The following DOK4 variants were observed in gnomAD, a reference collection of about 807,000 sequenced individuals.
DOK4 encodes downstream of tyrosine kinase 4.
DOK4 carries 26 observed loss-of-function variants against 40.1 expected under a neutral mutation model. That is an observed-to-expected ratio of 0.65 (90% CI 0.48 to 0.90). The LOEUF is 0.90. DOK4 is among the 40% of genes least tolerant of loss of function. The pLI is 0.00. For synonymous variants in DOK4, 179 were observed against 177.0 expected (o/e 1.01, Z -0.09); for missense variants, 392 against 437.2 (o/e 0.90, Z 0.92).
rs1221190916 is a variant in DOK4, at chr16:57,475,761, C to A, written c.174+89G>T. 1.5e-5 allele frequency: 16 copies of A among 1,063,482 alleles called. No individual in the cohort carries two copies. In the African/African-American group the frequency reaches 1.9e-4, roughly 13 times the overall value. 65.9% of individuals were successfully genotyped at this position (1,063,482 alleles called of 1,614,324 possible). ...CTCTCCCTCTCTCCCCCTTTCTCCC[C>A]TCTCTCCCTCTCTCCCCTCTCTCCC... On this transcript the variant is annotated intron_variant, in intron 3 of 8. Coordinates refer to ENST00000340099, the Ensembl canonical transcript of DOK4.
At chr16:57,476,114 G>T in intron 2 of DOK4, 157 bp from the exon 3 acceptor site, 1 of 622,312 alleles carries the variant, frequency 1.6e-6, no homozygotes, top group Non-Finnish European at 2.9e-6. Flanking sequence ...CACCAGCAGT[G>T]TCACCTCCCT....
At chr16:57,486,068 G>A (rs1168838051) in intron 1 of DOK4, among the ~76,000 whole-genome samples, 1 of 152,096 alleles carries the variant, frequency 6.6e-6, no homozygotes, top group Non-Finnish European at 1.5e-5. Flanking sequence ...CGCGACCTGG[G>A]CTCCCCCGGA....
At chr16:57,474,727 C>A in intron 6 of DOK4, 66 bp downstream of exon 6, 2 of 1,574,924 alleles carry the variant, frequency 1.3e-6, no homozygotes, top group Non-Finnish European at 1.7e-6. Context: ...CAGTGCCCAA[C>A]ACAGAGTGAA....
chr16:57,474,756 C>G, intron 6 of DOK4, 37 bp downstream of exon 6: 1 of 1,604,886 alleles, frequency 6.2e-7, no homozygotes, highest in Non-Finnish European at 8.5e-7. Context: ...ACCATCACAC[C>G]ATAGTAGGAC....
intron 4 of DOK4, 128 bp from the exon 5 acceptor site, chr16:57,475,347 C>T (rs570671461): frequency 1.3e-6 from 2 of 1,498,884 alleles, no homozygotes; most frequent in East Asian, 2.3e-5. Context: ...CCTGTCTTGC[C>T]TCAACCCTGA....
At chr16:57,486,247 C>T (rs1407563034) in intron 1 of DOK4, 58 bp downstream of exon 1, 3 of 152,220 alleles carry the variant, frequency 2.0e-5, no homozygotes, top group Non-Finnish European at 2.9e-5. Context: ...GTCGCCGAGA[C>T]TCTTGCAGGC....
Position 57,473,489 on chromosome 16 carries a change from C to G in DOK4, c.869G>C (p.Gly290Ala), listed in dbSNP as rs142112475. Residue 290 changes from glycine to alanine, a missense_variant, in exon 9 of 9, where the codon GGG (glycine) becomes GCG (alanine). Physicochemically the swap from Gly to Ala is moderately conservative, Grantham distance 60 (BLOSUM62 0). Transcript: ENST00000340099. ...CGAGCTGGCCTGGGCTGCCCCATACCCCTCACCTGTGGGCACAGAAGCAGG... is the reference window on the plus strand; with the variant it reads ...CGAGCTGGCCTGGGCTGCCCCATACGCCTCACCTGTGGGCACAGAAGCAGG... The G allele has an allele frequency of 1.4e-3, 2,240 of 1,614,184 alleles. 2 individuals carry two copies. Among genetic ancestry groups the G allele is most frequent in the Non-Finnish European group, 1.8e-3 (2,131 of 1,180,020 alleles).
chr16:57,482,363 G>GTTTTTTTT (rs11390639), intron 1 of DOK4, among the ~76,000 whole-genome samples: 30 of 93,024 alleles, frequency 3.2e-4, no homozygotes, highest in African/African-American at 3.9e-4. Context: ...TGGGGCTTTT[G>GTTTTTTTT]TTTTTTTTTT....
chr16:57,476,666 T>C (rs945950045), intron 2 of DOK4, among the ~76,000 whole-genome samples: 15 of 152,244 alleles, frequency 9.9e-5, no homozygotes, highest in Non-Finnish European at 2.1e-4. Flanking sequence ...TAAGGGGCCC[T>C]GCTCCAGCTG....
At chr16:57,476,188 T>G in intron 2 of DOK4, 2 of 542,840 alleles carry the variant, frequency 3.7e-6, no homozygotes, top group Non-Finnish European at 6.7e-6. Context: ...CAAAACGCTG[T>G]TCCACAAAGG....
intron 2 of DOK4, among the ~76,000 whole-genome samples, chr16:57,477,913 C>T (rs1462997949): frequency 6.6e-6 from 1 of 152,208 alleles, no homozygotes; most frequent in African/African-American, 2.4e-5. Flanking sequence ...ACCTCCCCAT[C>T]CAGGCTGTGC....
At chr16:57,473,591 G>A (rs775063646) in intron 8 of DOK4, 22 bp downstream of exon 8, 2 of 1,614,264 alleles carry the variant, frequency 1.2e-6, no homozygotes, top group Admixed American at 1.7e-5. Flanking sequence ...GCAGGTGGGT[G>A]TGGGGCATGG....
At position 57,479,332 on chromosome 16, in the gene DOK4, G is replaced by C; in HGVS notation, c.66+110C>G. Reference sequence around the variant, plus strand: ...CCGAGACCACAGATGCACGATGCCCGGCAGCCGGAGGGCAGCCGCGTGCCC... The same window carrying C: ...CCGAGACCACAGATGCACGATGCCCCGCAGCCGGAGGGCAGCCGCGTGCCC... On this transcript the variant is annotated intron_variant, in intron 2 of 8. Coordinates refer to ENST00000340099, the Ensembl canonical transcript of DOK4. This position sits in a 1 kb window ranked among gnomAD's most constrained non-coding sequence, Gnocchi z 5.8. The C allele has an allele frequency of 8.1e-7, 1 of 1,237,438 alleles. No individual in the cohort carries two copies. The highest frequency in any genetic ancestry group is 1.1e-6 in the Non-Finnish European group (1 of 875,494). The allele number at this position is 1,237,438 out of a possible 1,614,324, so 76.7% of individuals were successfully genotyped here. A position where few individuals can be genotyped will look rare whatever the true frequency, so the allele number is the denominator to read the frequency against.
At chr16:57,473,073 T>G in exon 9 of DOK4, 2 of 339,570 alleles carry the variant, frequency 5.9e-6, no homozygotes, top group East Asian at 5.3e-5. Flanking sequence ...TTTGTGTGTA[T>G]TGGTGGGGAA....
rs146183512 is a variant in DOK4, at chr16:57,482,566, A to G, written c.-181-2878T>C. 4.7e-3 allele frequency among the ~76,000 whole-genome samples: 706 copies of G among 151,306 alleles called. 1 individual carries two copies. The highest frequency in any genetic ancestry group is 8.6e-3 in the Non-Finnish European group (583 of 67,796). The stretch of plus-strand genomic sequence containing the variant: ...ATATTTTTAGTAAAGACGGGGTTTC[A>G]CCGTGTTAGCCAGGATGGTCTCGAT... On this transcript the variant is annotated intron_variant, in intron 1 of 8. Coordinates refer to ENST00000340099, the Ensembl canonical transcript of DOK4.
chr16:57,485,986 G>T lies in DOK4; in HGVS notation c.-182+319C>A, dbSNP rs1320656259. On this transcript the variant is annotated intron_variant, in intron 1 of 8. Coordinates refer to ENST00000340099, the Ensembl canonical transcript of DOK4. This position sits in a 1 kb window ranked among gnomAD's most constrained non-coding sequence, Gnocchi z 4.3. ...CAGGGGCTGGGTTATGCCCCTTCCG[G>T]GGGGGCAGGCCCGGGAGCGCAGGGC... is the stretch of plus-strand genomic sequence containing the variant. 5.3e-5 allele frequency among the ~76,000 whole-genome samples: 8 copies of T among 152,136 alleles called. No homozygotes were observed. Among genetic ancestry groups the T allele is most frequent in the African/African-American group, 7.2e-5 (3 of 41,434 alleles).
chr16:57,475,391 A>ACACAC, intron 4 of DOK4, 115 bp downstream of exon 4: 2 of 1,367,566 alleles, frequency 1.5e-6, no homozygotes, highest in South Asian at 2.6e-5. Flanking sequence ...CCAACCCCAC[A>ACACAC]CACACCACAC....
chr16:57,473,236 TC>T, exon 9 of DOK4: 1 of 1,336,630 alleles, frequency 7.5e-7, no homozygotes, highest in Non-Finnish European at 9.9e-7. Context: ...TCCAGCCTCA[TC>T]CTTGGGGGCA....
exon 9 of DOK4, chr16:57,472,757 C>T (rs1489646343): frequency 6.6e-6 from 1 of 152,508 alleles, no homozygotes; most frequent in African/African-American, 2.4e-5. Context: ...GAGGCGTCAA[C>T]CAGATGTCAC....
Sources: gnomAD v4.1 joint callset for allele counts (sites outside exome capture counted in the v4.1 genomes callset) on GRCh38, gnomAD v4.1.1 for gene constraint, Gnocchi (gnomAD v3.1) non-coding constraint, MANE v1.5 for transcripts, NCBI Gene and HGNC (gene_info 2026-07-23, HGNC 2026-07-21) for gene names.